The following SLC39A11 variants were observed in gnomAD, a reference collection of about 807,000 sequenced individuals.
SLC39A11 encodes solute carrier family 39 member 11.
In SLC39A11, 33 loss-of-function variants were observed where a neutral mutation model predicts 36.1. The ratio of observed to expected loss-of-function variants is 0.91; its 90% confidence interval spans 0.69 to 1.22. The LOEUF (loss-of-function observed/expected upper bound fraction) is 1.22. Among genes scored for constraint, SLC39A11 ranks in the 50% most tolerant of loss-of-function variants. SLC39A11 has a pLI of 0.00. For missense variants in SLC39A11, 432 were observed against 430.3 expected, an observed-to-expected ratio of 1.00 and a Z score of -0.03; for synonymous variants, 166 against 170.3, an observed-to-expected ratio of 0.97 and a Z score of 0.20.
chr17:72,727,651 CAAA>C (rs57874434), intron 7 of SLC39A11, among the ~76,000 whole-genome samples: 12 of 73,220 alleles, frequency 1.6e-4, no homozygotes, highest in South Asian at 6.1e-4. Context: ...GACTCCGTCT[CAAA>C]AAAAAAAAAA....
At chr17:72,736,890 T>C (rs2074453800) in intron 6 of SLC39A11, among the ~76,000 whole-genome samples, 171 bp from the exon 7 acceptor site, 1 of 152,238 alleles carries the variant, frequency 6.6e-6, no homozygotes, top group Non-Finnish European at 1.5e-5. Flanking sequence ...AAATGGCTGC[T>C]GCCTTCTTCT....
chr17:72,743,442 G>A (rs191039801), intron 6 of SLC39A11, among the ~76,000 whole-genome samples: 13 of 152,306 alleles, frequency 8.5e-5, no homozygotes, highest in African/African-American at 3.1e-4. Context: ...TGAGCATTCT[G>A]TGATGGTTTG....
chr17:72,673,400 G>C (rs1305268877), intron 7 of SLC39A11, among the ~76,000 whole-genome samples: 1 of 152,140 alleles, frequency 6.6e-6, no homozygotes, highest in African/African-American at 2.4e-5. Context: ...ACCGTGCCCG[G>C]CCTCTTTCTC....
In SLC39A11 at chr17:73,004,926, C is replaced by T. The variant is rs543883485; in HGVS notation, c.306+26630G>A. The stretch of plus-strand genomic sequence containing the variant: ...AGCAGACACTGCAATGTGGACCCCA[C>T]GAAGATCACAGCACATAAGCACACC... On this transcript the variant is annotated intron_variant, in intron 4 of 9. Transcript: ENST00000255559. 3.9e-5 allele frequency among the ~76,000 whole-genome samples: 6 copies of T among 152,348 alleles called. No homozygotes were observed. The East Asian group carries it at 5.8e-4, about 15-fold the overall frequency.
intron 6 of SLC39A11, among the ~76,000 whole-genome samples, chr17:72,816,769 G>A (rs1000413292): frequency 2.0e-5 from 3 of 152,130 alleles, no homozygotes; most frequent in African/African-American, 4.8e-5. Context: ...TTAGGGGAGC[G>A]TTCAAATAAA....
At chr17:72,690,104 C>T (rs745952311) in intron 7 of SLC39A11, among the ~76,000 whole-genome samples, 8 of 152,176 alleles carry the variant, frequency 5.3e-5, no homozygotes, top group East Asian at 1.9e-4. Flanking sequence ...CCAGGAGTGA[C>T]GCGCTGGGGC....
intron 4 of SLC39A11, among the ~76,000 whole-genome samples, chr17:73,025,367 C>T (rs1427333312): frequency 2.0e-5 from 3 of 152,152 alleles, no homozygotes; most frequent in African/African-American, 7.2e-5. Flanking sequence ...AAGATGCAAA[C>T]CAAGCTGCGA....
At chr17:72,765,554 T>G (rs1180545479) in intron 6 of SLC39A11, among the ~76,000 whole-genome samples, 1 of 152,182 alleles carries the variant, frequency 6.6e-6, no homozygotes, top group African/African-American at 2.4e-5. Flanking sequence ...AACCCATTAG[T>G]TCATCTATGG....
At chr17:72,879,199 C>A (rs1208267641) in intron 5 of SLC39A11, among the ~76,000 whole-genome samples, 1 of 152,128 alleles carries the variant, frequency 6.6e-6, no homozygotes, top group Non-Finnish European at 1.5e-5. Flanking sequence ...TTTATGGAGG[C>A]GTCATGATTT....
chr17:72,882,823 G>A (rs2081268742), intron 5 of SLC39A11, among the ~76,000 whole-genome samples: 2 of 40,638 alleles, frequency 4.9e-5, no homozygotes, highest in South Asian at 7.2e-4. Flanking sequence ...TTGAGATGGA[G>A]TCTCACTCTA....
intron 3 of SLC39A11, among the ~76,000 whole-genome samples, chr17:73,082,831 C>A (rs531569162): frequency 7.3e-6 from 1 of 136,976 alleles, no homozygotes; most frequent in African/African-American, 2.8e-5. Flanking sequence ...GCCAACACGG[C>A]AAAACCCCAT....
At position 72,891,206 on chromosome 17, in the gene SLC39A11, G is replaced by A. The variant is rs574847069; in HGVS notation, c.431-41402C>T. Among the ~76,000 whole-genome samples, 234 of 152,190 alleles carry A rather than the reference G, an allele frequency of 1.5e-3. 1 individual carries two copies. Among genetic ancestry groups the A allele is most frequent in the African/African-American group, 4.8e-3 (199 of 41,518 alleles). ...GGAGGCCAAGGTGAGTGGATCACCC[G>A]AGGTCAGGAGTTCAAGACCAGCCTG... On this transcript the variant is annotated intron_variant, in intron 5 of 9. Transcript: ENST00000255559.
intron 5 of SLC39A11, among the ~76,000 whole-genome samples, chr17:72,869,151 C>G (rs1024821211): frequency 1.3e-5 from 2 of 152,124 alleles, no homozygotes; most frequent in African/African-American, 4.8e-5. Flanking sequence ...ATGGACATCC[C>G]CAAATAAACG....
intron 5 of SLC39A11, among the ~76,000 whole-genome samples, chr17:72,883,964 G>C (rs1039005177): frequency 2.6e-5 from 4 of 152,102 alleles, no homozygotes; most frequent in Admixed American, 1.3e-4. Flanking sequence ...AGACCAGCCT[G>C]GAAAACATGG....
At chr17:72,938,467 C>T (rs534977873) in intron 5 of SLC39A11, among the ~76,000 whole-genome samples, 55 of 152,162 alleles carry the variant, frequency 3.6e-4, no homozygotes, top group Non-Finnish European at 6.2e-4. Context: ...CCTTATTAGG[C>T]ACTTTTAGTA....
At chr17:72,859,395 A>G (rs2079830265) in intron 5 of SLC39A11, among the ~76,000 whole-genome samples, 1 of 152,090 alleles carries the variant, frequency 6.6e-6, no homozygotes, top group Non-Finnish European at 1.5e-5. Flanking sequence ...CAAGGTGTTC[A>G]TTGTTTATTT....
intron 6 of SLC39A11, among the ~76,000 whole-genome samples, chr17:72,837,018 G>T (rs2078580522): frequency 6.6e-6 from 1 of 152,126 alleles, no homozygotes; most frequent in Non-Finnish European, 1.5e-5. Flanking sequence ...TCTTTCTCAT[G>T]GCTAGTAGCT....
intron 5 of SLC39A11, among the ~76,000 whole-genome samples, chr17:72,884,684 T>A (rs2081366464): frequency 6.6e-6 from 1 of 152,192 alleles, no homozygotes; most frequent in Non-Finnish European, 1.5e-5. Context: ...TAGAGTTTAA[T>A]AAAAAGGAAG....
At chr17:72,966,586 T>C (rs1012950949) in intron 4 of SLC39A11, among the ~76,000 whole-genome samples, 1 of 152,140 alleles carries the variant, frequency 6.6e-6, no homozygotes, top group Non-Finnish European at 1.5e-5. Flanking sequence ...GTTCTTTTTT[T>C]TGAGACGGAG....
Sources: allele counts gnomAD v4.1 joint callset (sites outside exome capture counted in the v4.1 genomes callset), GRCh38; gene constraint gnomAD v4.1.1; transcripts MANE v1.5; gene names NCBI Gene and HGNC (gene_info 2026-07-23, HGNC 2026-07-21).